The following CACNA2D1 variants were observed in gnomAD, a reference collection of about 807,000 sequenced individuals.
CACNA2D1 encodes calcium voltage-gated channel auxiliary subunit alpha2delta 1, also known as voltage-dependent calcium channel subunit alpha-2/delta-1.
In CACNA2D1, 53 loss-of-function variants were observed where a neutral mutation model predicts 171.5. The ratio of observed to expected loss-of-function variants is 0.31; its 90% confidence interval spans 0.25 to 0.39. The LOEUF is 0.39. Ranked by LOEUF, CACNA2D1 falls within the 10% of genes least tolerant of loss-of-function variation. CACNA2D1 has a pLI of 1.00. For missense variants in CACNA2D1, 903 were observed against 1,299.8 expected (o/e 0.69, Z 4.69); for synonymous variants, 442 against 443.1 (o/e 1.00, Z 0.03).
intron 18 of CACNA2D1, 132 bp downstream of exon 18, chr7:82,005,291 A>AAGAGAGACGAATT: frequency 1.5e-6 from 1 of 686,590 alleles, no homozygotes; most frequent in South Asian, 1.7e-5. Flanking sequence ...GTCATCTAAG[A>AAGAGAGACGAATT]AGAGAGACGC....
At chr7:82,079,630 T>A (rs1437452829) in intron 7 of CACNA2D1, among the ~76,000 whole-genome samples, 1 of 150,654 alleles carries the variant, frequency 6.6e-6, no homozygotes, top group Admixed American at 6.6e-5. Context: ...GGGCAGAGGT[T>A]GCAGTGAGCC....
chr7:82,045,477 T>C (rs1804448915), intron 10 of CACNA2D1, among the ~76,000 whole-genome samples: 1 of 152,160 alleles, frequency 6.6e-6, no homozygotes, highest in Admixed American at 6.6e-5. Flanking sequence ...TGATGTTTCA[T>C]GGGTTTTGGT....
At chr7:82,386,675 G>A (rs887693955) in intron 1 of CACNA2D1, among the ~76,000 whole-genome samples, 1 of 151,880 alleles carries the variant, frequency 6.6e-6, no homozygotes, top group African/African-American at 2.4e-5. Context: ...GGAGGTTGTG[G>A]TGAGCCGAGA....
At position 82,145,042 on chromosome 7, in the gene CACNA2D1, C is replaced by A. The variant is rs558070667; in HGVS notation, c.355-8366G>T. Among the ~76,000 whole-genome samples, 232 of 151,234 alleles carry A rather than the reference C, an allele frequency of 1.5e-3. 3 individuals carry two copies. Among genetic ancestry groups the A allele is most frequent in the East Asian group, 0.015 (78 of 5,144 alleles). On this transcript the variant is annotated intron_variant, in intron 4 of 38. Coordinates refer to ENST00000356860, the MANE Select transcript of CACNA2D1 (RefSeq NM_000722.4). ...CCTAAACACATGTGTTTTTTGACAC[C>A]CTGATTACTAAAGATGACCCAGTGA... is the stretch of plus-strand genomic sequence containing the variant.
At position 81,972,769 on chromosome 7, in the gene CACNA2D1, T is replaced by C. The variant is rs528961708; in HGVS notation, c.2054-905A>G. ...ACATTTACGACAAAATTTGACTTTTTCAGATAAAGAATATATGTTCTTAAC... is the reference window on the plus strand; with the variant it reads ...ACATTTACGACAAAATTTGACTTTTCCAGATAAAGAATATATGTTCTTAAC... On this transcript the variant is annotated intron_variant, in intron 25 of 38. Coordinates refer to ENST00000356860, the MANE Select transcript of CACNA2D1 (RefSeq NM_000722.4). 9.2e-5 allele frequency among the ~76,000 whole-genome samples: 14 copies of C among 152,106 alleles called. No homozygotes were observed. The East Asian group carries it at 2.7e-3, about 29-fold the overall frequency.
At chr7:82,169,013 A>C (rs944086242) in intron 4 of CACNA2D1, among the ~76,000 whole-genome samples, 5 of 152,194 alleles carry the variant, frequency 3.3e-5, no homozygotes, top group African/African-American at 9.6e-5. Flanking sequence ...ATCTATTATG[A>C]CTTTACACTG....
At chr7:82,160,267 C>A (rs933146051) in intron 4 of CACNA2D1, among the ~76,000 whole-genome samples, 2 of 151,926 alleles carry the variant, frequency 1.3e-5, no homozygotes, top group South Asian at 2.1e-4. Context: ...CTTAATCATA[C>A]AACAACTCAG....
intron 14 of CACNA2D1, 88 bp downstream of exon 14, chr7:82,013,373 C>A (rs979895821): frequency 8.9e-6 from 4 of 447,488 alleles, no homozygotes; most frequent in African/African-American, 2.1e-5. Context: ...TTCATTCTTG[C>A]TAATTTTCTC....
intron 1 of CACNA2D1, among the ~76,000 whole-genome samples, chr7:82,410,112 G>A (rs771754380): frequency 6.6e-5 from 10 of 152,146 alleles, no homozygotes; most frequent in Non-Finnish European, 1.2e-4. Flanking sequence ...ATTTGAAACC[G>A]TGCATCTTAA....
At chr7:82,180,071 C>T (rs577752728) in intron 3 of CACNA2D1, among the ~76,000 whole-genome samples, 19 of 152,204 alleles carry the variant, frequency 1.2e-4, no homozygotes, top group African/African-American at 4.3e-4. Context: ...AGAGAAATTT[C>T]TCCTCGGGTC....
chr7:82,152,908 A>G (rs1794004920), intron 4 of CACNA2D1, among the ~76,000 whole-genome samples: 1 of 151,842 alleles, frequency 6.6e-6, no homozygotes, highest in Non-Finnish European at 1.5e-5. Context: ...TACTAAGGCA[A>G]TATCAAAATG....
intron 6 of CACNA2D1, among the ~76,000 whole-genome samples, chr7:82,111,454 T>A (rs1451141815): frequency 5.8e-5 from 7 of 120,566 alleles, no homozygotes; most frequent in South Asian, 2.6e-4. Context: ...ATTTTTTTTT[T>A]TTTTTTTTTT....
chr7:82,055,295 G>A (rs1043803895), intron 10 of CACNA2D1, among the ~76,000 whole-genome samples: 11 of 152,136 alleles, frequency 7.2e-5, no homozygotes, highest in Middle Eastern at 3.4e-3. Context: ...TAGCTTCTGC[G>A]TTCCTAGAGA....
At chr7:82,147,557 A>G (rs1010508419) in intron 4 of CACNA2D1, among the ~76,000 whole-genome samples, 1 of 152,022 alleles carries the variant, frequency 6.6e-6, no homozygotes. Context: ...AAAACATTTC[A>G]TTTCTTATGT....
intron 24 of CACNA2D1, among the ~76,000 whole-genome samples, chr7:81,978,753 G>GTGTGTATATATA (rs145105210): frequency 1.6e-4 from 22 of 139,476 alleles, no homozygotes; most frequent in East Asian, 8.5e-4. Flanking sequence ...TTTAAAAAGT[G>GTGTGTATATATA]TATATATATA....
chr7:82,167,931 T>C (rs1795634241), intron 4 of CACNA2D1, among the ~76,000 whole-genome samples: 1 of 152,124 alleles, frequency 6.6e-6, no homozygotes, highest in Non-Finnish European at 1.5e-5. Context: ...CATTTTCTAT[T>C]TCACCATAGA....
intron 22 of CACNA2D1, among the ~76,000 whole-genome samples, chr7:81,983,681 T>C (rs192149503): frequency 3.9e-5 from 6 of 152,286 alleles, no homozygotes; most frequent in South Asian, 2.1e-4. Flanking sequence ...CATTTATCAA[T>C]TGAAGAACTA....
intron 11 of CACNA2D1, among the ~76,000 whole-genome samples, chr7:82,037,337 G>A (rs1316465695): frequency 6.6e-6 from 1 of 152,156 alleles, no homozygotes; most frequent in Non-Finnish European, 1.5e-5. Context: ...AAATTAGCTG[G>A]GCATGGTGGC....
chr7:82,116,972 C>T, intron 6 of CACNA2D1, 72 bp downstream of exon 6: 1 of 1,523,522 alleles, frequency 6.6e-7, no homozygotes. Context: ...TTTTTTTTCC[C>T]CCTCAAACAT....
Sources: gnomAD v4.1 joint callset for allele counts (sites outside exome capture counted in the v4.1 genomes callset) on GRCh38, gnomAD v4.1.1 for gene constraint, MANE v1.5 for transcripts, NCBI Gene and HGNC (gene_info 2026-07-23, HGNC 2026-07-21) for gene names.